CTNNA2: variants seen among roughly 807,000 people sequenced by gnomAD.
The protein encoded by CTNNA2 is catenin alpha 2.
A neutral mutation model predicts 101.0 loss-of-function variants in CTNNA2; 42 were observed. The ratio of observed to expected loss-of-function variants is 0.42; its 90% CI spans 0.32 to 0.54. The LOEUF (loss-of-function observed/expected upper bound fraction) is 0.54, where lower values mean the gene tolerates loss of function less well. Among genes scored for constraint, CTNNA2 ranks in the 20% least tolerant of loss-of-function variants. CTNNA2 has a pLI of 0.14. For synonymous variants in CTNNA2, 450 were observed against 456.4 expected, an observed-to-expected ratio of 0.99 and a Z score of 0.18; for missense variants, 871 against 1,223.1, an observed-to-expected ratio of 0.71 and a Z score of 4.29.
intron 2 of CTNNA2, among the ~76,000 whole-genome samples, chr2:79,682,863 C>G (rs13030183): frequency 6.6e-6 from 1 of 151,886 alleles, no homozygotes; most frequent in African/African-American, 2.4e-5. Flanking sequence ...AAATAAAAAA[C>G]CAAGTTGTGG....
At chr2:79,297,523 G>A (rs1357882809) in intron 2 of CTNNA2, among the ~76,000 whole-genome samples, 1 of 152,144 alleles carries the variant, frequency 6.6e-6, no homozygotes, top group African/African-American at 2.4e-5. Context: ...CATATCCTCA[G>A]CTAGACTTCA....
chr2:80,374,217 C>G (rs1212907171), intron 7 of CTNNA2, among the ~76,000 whole-genome samples: 1 of 152,148 alleles, frequency 6.6e-6, no homozygotes. Context: ...TCCTCCCTGG[C>G]TTCCTCTCTT....
intron 3 of CTNNA2, among the ~76,000 whole-genome samples, chr2:79,369,603 T>C (rs4143797): frequency 0.35 from 53,452 of 151,918 alleles, 9,579 homozygotes; most frequent in Middle Eastern, 0.53. Flanking sequence ...ATGCCCTAAA[T>C]TTCCTTTCAA....
At chr2:80,564,491 G>C (rs999367837) in intron 12 of CTNNA2, among the ~76,000 whole-genome samples, 3 of 147,920 alleles carry the variant, frequency 2.0e-5, no homozygotes, top group Non-Finnish European at 4.4e-5. Flanking sequence ...GGTAGTTGTC[G>C]TGAATGGAAT....
intron 3 of CTNNA2, among the ~76,000 whole-genome samples, chr2:79,328,714 T>C: frequency 6.6e-6 from 1 of 152,160 alleles, no homozygotes; most frequent in Non-Finnish European, 1.5e-5. Context: ...AAGAAAGTCC[T>C]ATTACAATGG....
chr2:79,633,492 A>T (rs769255817), intron 1 of CTNNA2, among the ~76,000 whole-genome samples: 4 of 152,210 alleles, frequency 2.6e-5, no homozygotes, highest in Admixed American at 1.3e-4. Flanking sequence ...GCCTGGAGAG[A>T]CAGATTCAGC....
intron 7 of CTNNA2, among the ~76,000 whole-genome samples, chr2:79,971,305 G>T (rs904831851): frequency 2.0e-5 from 3 of 151,884 alleles, no homozygotes. Flanking sequence ...CTCAAGACAC[G>T]CATATAACAT....
At chr2:79,477,627 C>T (rs1671065040) in intron 4 of CTNNA2, among the ~76,000 whole-genome samples, 1 of 152,180 alleles carries the variant, frequency 6.6e-6, no homozygotes, top group Non-Finnish European at 1.5e-5. Context: ...TGTCTCACAG[C>T]TCAATGGTGC....
chr2:79,273,254 T>C (rs150335973), intron 2 of CTNNA2, among the ~76,000 whole-genome samples: 187 of 152,208 alleles, frequency 1.2e-3, no homozygotes, highest in African/African-American at 4.3e-3. Flanking sequence ...TAGGCATTAT[T>C]ATCATCTCCA....
At chr2:79,273,787 C>G (rs549590629) in intron 2 of CTNNA2, among the ~76,000 whole-genome samples, 1 of 151,306 alleles carries the variant, frequency 6.6e-6, no homozygotes, top group East Asian at 2.0e-4. Context: ...ATTAAATGAG[C>G]GCTGACAGCA....
At chr2:79,276,523 T>C (rs2104317826) in intron 2 of CTNNA2, among the ~76,000 whole-genome samples, 1 of 152,278 alleles carries the variant, frequency 6.6e-6, no homozygotes, top group African/African-American at 2.4e-5. Flanking sequence ...GAAGTCTATT[T>C]TGTCTGATAT....
chr2:79,572,039 G>A (rs1289459665), intron 1 of CTNNA2, among the ~76,000 whole-genome samples: 1 of 152,106 alleles, frequency 6.6e-6, no homozygotes, highest in Non-Finnish European at 1.5e-5. Flanking sequence ...GAGCTGAATT[G>A]TGACAGTTTT....
chr2:79,730,954 C>A (rs906237643), intron 2 of CTNNA2, among the ~76,000 whole-genome samples: 2 of 151,958 alleles, frequency 1.3e-5, no homozygotes, highest in Non-Finnish European at 1.5e-5. Context: ...TCCATACTTT[C>A]CTGCTTGGAT....
At chr2:79,482,432 G>T (rs17712817) in intron 4 of CTNNA2, among the ~76,000 whole-genome samples, 1 of 152,062 alleles carries the variant, frequency 6.6e-6, no homozygotes, top group Admixed American at 6.6e-5. Flanking sequence ...ATTTGGAAAC[G>T]TGGGCTAGTT....
intron 9 of CTNNA2, among the ~76,000 whole-genome samples, chr2:80,532,889 AG>A (rs1690665879): frequency 6.6e-6 from 1 of 152,190 alleles, no homozygotes; most frequent in Admixed American, 6.5e-5. Flanking sequence ...GCGATAAGAA[AG>A]AGCTGTACCC....
At chr2:80,316,371 T>G (rs1678125594) in intron 7 of CTNNA2, among the ~76,000 whole-genome samples, 1 of 152,242 alleles carries the variant, frequency 6.6e-6, no homozygotes, top group African/African-American at 2.4e-5. Context: ...AGGCATGTAC[T>G]TAAACTGACC....
intron 7 of CTNNA2, among the ~76,000 whole-genome samples, chr2:80,036,619 GAACAAAAGTAAATAAAAATAGA>G (rs1213255760): frequency 6.6e-6 from 1 of 151,888 alleles, no homozygotes; most frequent in African/African-American, 2.4e-5. Context: ...AAAAAAATAG[GAACAAAAGTAAATAAAAATAGA>G]AACACTCAAG....
intron 9 of CTNNA2, among the ~76,000 whole-genome samples, chr2:80,499,639 A>T (rs918797051): frequency 6.6e-6 from 1 of 152,086 alleles, no homozygotes; most frequent in Non-Finnish European, 1.5e-5. Flanking sequence ...CCTGGCCAAC[A>T]CAGCAAAACC....
intron 9 of CTNNA2, among the ~76,000 whole-genome samples, chr2:80,536,462 A>G (rs903818552): frequency 3.9e-5 from 6 of 152,182 alleles, no homozygotes; most frequent in Non-Finnish European, 8.8e-5. Context: ...TTATTTCAAT[A>G]GTGTGTTCTT....
Sources: allele counts gnomAD v4.1 joint callset (sites outside exome capture counted in the v4.1 genomes callset), GRCh38; gene constraint gnomAD v4.1.1; transcripts MANE v1.5; gene names NCBI Gene and HGNC (gene_info 2026-07-23, HGNC 2026-07-21).